Variants in ROBO2 observed in about 807,000 individuals in gnomAD.
ROBO2 encodes the protein roundabout guidance receptor 2, also known as roundabout homolog 2.
Under a neutral mutation model 160.8 loss-of-function variants are expected in ROBO2, and 53 were observed. The ratio of observed to expected loss-of-function variants is 0.33; its 90% CI spans 0.26 to 0.41. The LOEUF (loss-of-function observed/expected upper bound fraction) is 0.41. ROBO2 is among the 10% of genes least tolerant of loss of function. ROBO2 has a pLI of 1.00. For synonymous variants in ROBO2, 664 were observed against 611.7 expected, an observed-to-expected ratio of 1.09 and a Z score of -1.26; for missense variants, 1,577 against 1,722.4, an observed-to-expected ratio of 0.92 and a Z score of 1.49.
intron 20 of ROBO2, among the ~76,000 whole-genome samples, chr3:77,605,705 A>C (rs1181015567): frequency 1.3e-5 from 2 of 152,276 alleles, no homozygotes; most frequent in Middle Eastern, 3.4e-3. Context: ...CTACATTCTG[A>C]ATTCTGATTT....
chr3:76,382,735 G>T (rs2076698801), intron 2 of ROBO2, among the ~76,000 whole-genome samples: 1 of 152,222 alleles, frequency 6.6e-6, no homozygotes, highest in African/African-American at 2.4e-5. Flanking sequence ...AACAGCCAGG[G>T]AAGGGACAAT....
chr3:76,574,480 T>C (rs1219712625), intron 2 of ROBO2, among the ~76,000 whole-genome samples: 1 of 152,126 alleles, frequency 6.6e-6, no homozygotes, highest in Non-Finnish European at 1.5e-5. Flanking sequence ...CAGTATTCCC[T>C]TTAGAGCTTT....
chr3:77,588,455 TC>T (rs1165319937), intron 16 of ROBO2, among the ~76,000 whole-genome samples: 2 of 151,702 alleles, frequency 1.3e-5, no homozygotes, highest in Admixed American at 6.6e-5. Flanking sequence ...AGTTATTAAT[TC>T]AACTCCTAGT....
chr3:76,911,019 C>T (rs1453188288), intron 2 of ROBO2, among the ~76,000 whole-genome samples: 1 of 151,980 alleles, frequency 6.6e-6, no homozygotes, highest in Admixed American at 6.5e-5. Context: ...TATGTGTTGG[C>T]GTGCATTTGG....
At chr3:76,000,927 T>A (rs956691622) in intron 2 of ROBO2, among the ~76,000 whole-genome samples, 6 of 152,184 alleles carry the variant, frequency 3.9e-5, no homozygotes, top group Non-Finnish European at 8.8e-5. Context: ...AATCTATTCA[T>A]ACTAAATATG....
chr3:76,323,275 A>G (rs1224829691), intron 2 of ROBO2, among the ~76,000 whole-genome samples: 3 of 152,010 alleles, frequency 2.0e-5, no homozygotes, highest in Non-Finnish European at 4.4e-5. Flanking sequence ...CTGTGTCTCT[A>G]TATTAAGCAC....
chr3:76,350,219 T>G (rs1471873735), intron 2 of ROBO2, among the ~76,000 whole-genome samples: 2 of 152,086 alleles, frequency 1.3e-5, no homozygotes, highest in African/African-American at 4.8e-5. Context: ...GATTTTTCAT[T>G]TTTTGTTTTT....
intron 2 of ROBO2, among the ~76,000 whole-genome samples, chr3:77,383,391 C>A (rs2073761656): frequency 1.3e-5 from 2 of 152,044 alleles, no homozygotes; most frequent in Non-Finnish European, 2.9e-5. Flanking sequence ...AATTTGGAAA[C>A]AAGTTTTCCA....
chr3:77,340,649 A>T (rs1372850921), intron 2 of ROBO2, among the ~76,000 whole-genome samples: 1 of 152,154 alleles, frequency 6.6e-6, no homozygotes, highest in Non-Finnish European at 1.5e-5. Flanking sequence ...GTACGTATTC[A>T]TAGGAGCCAT....
At chr3:77,082,297 C>T (rs2068747079) in intron 1 of ROBO2, among the ~76,000 whole-genome samples, 2 of 152,292 alleles carry the variant, frequency 1.3e-5, no homozygotes, top group South Asian at 2.1e-4. Context: ...CCTGTTTTGA[C>T]ACTTCAGTTT....
chr3:76,106,451 T>G (rs888029209), intron 2 of ROBO2, among the ~76,000 whole-genome samples: 1 of 152,132 alleles, frequency 6.6e-6, no homozygotes, highest in Non-Finnish European at 1.5e-5. Context: ...TTTGCATTAC[T>G]ACATAACTTT....
chr3:76,821,701 TAGTATTGCTTGCATGATTCC>T (rs1216132107), intron 2 of ROBO2, among the ~76,000 whole-genome samples: 1 of 151,994 alleles, frequency 6.6e-6, no homozygotes, highest in East Asian at 1.9e-4. Flanking sequence ...CTTTTCTCAG[TAGTATTGCTTGCATGATTCC>T]AGAATTATCA....
chr3:76,449,403 G>T (rs2077361585), intron 2 of ROBO2, among the ~76,000 whole-genome samples: 1 of 152,004 alleles, frequency 6.6e-6, no homozygotes, highest in Non-Finnish European at 1.5e-5. Context: ...TTTCTAATGG[G>T]AAAGAGATGC....
chr3:76,553,762 T>TG (rs2083551039), intron 2 of ROBO2, among the ~76,000 whole-genome samples: 1 of 152,194 alleles, frequency 6.6e-6, no homozygotes, highest in Non-Finnish European at 1.5e-5. Context: ...ATAGATTAGA[T>TG]GGGGGTGGTT....
chr3:75,951,519 A>G (rs139842888), intron 2 of ROBO2, among the ~76,000 whole-genome samples: 2 of 152,198 alleles, frequency 1.3e-5, no homozygotes, highest in African/African-American at 2.4e-5. Context: ...ACTCCTTTAC[A>G]TCATCGGAAT....
At chr3:77,112,250 G>T (rs73095826) in intron 2 of ROBO2, among the ~76,000 whole-genome samples, 8,048 of 149,110 alleles carry the variant, frequency 0.054, 282 homozygotes, top group Middle Eastern at 0.099. Flanking sequence ...GGGGGTGGAG[G>T]GGGGGACGCA....
intron 2 of ROBO2, among the ~76,000 whole-genome samples, chr3:76,178,506 A>G (rs140487906): frequency 1.7e-3 from 265 of 152,302 alleles, no homozygotes; most frequent in African/African-American, 6.0e-3. Flanking sequence ...ATCTCTATAA[A>G]GGGAACACAG....
intron 2 of ROBO2, among the ~76,000 whole-genome samples, chr3:76,233,919 C>T (rs937858537): frequency 7.2e-5 from 11 of 152,160 alleles, no homozygotes; most frequent in African/African-American, 2.4e-4. Context: ...TTTTGTCACT[C>T]AGGTAATAAG....
At chr3:76,923,163 G>A (rs2076772790) in intron 2 of ROBO2, among the ~76,000 whole-genome samples, 1 of 152,132 alleles carries the variant, frequency 6.6e-6, no homozygotes, top group African/African-American at 2.4e-5. Flanking sequence ...GTATAAAGAG[G>A]TTGCTATGAC....
Sources: gnomAD v4.1 joint callset for allele counts (sites outside exome capture counted in the v4.1 genomes callset) on GRCh38, gnomAD v4.1.1 for gene constraint, MANE v1.5 for transcripts, NCBI Gene and HGNC (gene_info 2026-07-23, HGNC 2026-07-21) for gene names.